Variants in RBFOX1 observed in about 807,000 individuals in gnomAD.
RBFOX1 encodes the protein RNA binding fox-1 homolog 1, also known as RNA binding protein fox-1 homolog 1.
RBFOX1 carries 8 observed loss-of-function variants against 57.7 expected under a neutral mutation model. The observed-to-expected ratio is 0.14, with a 90% CI of 0.08 to 0.25. The LOEUF (loss-of-function observed/expected upper bound fraction) is 0.25. Ranked by LOEUF, RBFOX1 falls within the 10% of genes least tolerant of loss-of-function variation. The pLI is 1.00. For synonymous variants in RBFOX1, 326 were observed against 222.4 expected (o/e 1.47, Z -4.15); for missense variants, 611 against 548.5 (o/e 1.11, Z -1.14).
At position 6,448,943 on chromosome 16, in the gene RBFOX1, GCATA is replaced by G. The variant is rs535484168; in HGVS notation, c.-64+131890_-64+131893del. 5.7e-3 allele frequency among the ~76,000 whole-genome samples: 862 copies of G among 152,224 alleles called. 5 individuals are homozygous for G. The highest frequency in any genetic ancestry group is 0.012 in the Admixed American group (177 of 15,284). On this transcript the variant is annotated intron_variant, in intron 2 of 15. Transcript: ENST00000550418. The stretch of plus-strand genomic sequence containing the variant: ...AAGATTTAATGAGAAGAGAAAAAAG[GCATA>G]CATTTTCGTAAACTAATTTCAGCAG...
chr16:6,189,489 G>T (rs950510114), intron 1 of RBFOX1, among the ~76,000 whole-genome samples: 1 of 152,206 alleles, frequency 6.6e-6, no homozygotes, highest in African/African-American at 2.4e-5. Context: ...CTTTCAGAAG[G>T]GTTAAATGCA....
chr16:7,171,672 CAAA>C (rs2080730033), intron 4 of RBFOX1, among the ~76,000 whole-genome samples: 1 of 152,180 alleles, frequency 6.6e-6, no homozygotes, highest in Non-Finnish European at 1.5e-5. Flanking sequence ...AGGGCCATTG[CAAA>C]TGGATTTAGT....
intron 3 of RBFOX1, among the ~76,000 whole-genome samples, chr16:5,617,285 C>T (rs114026586): frequency 0.017 from 2,642 of 152,332 alleles, 78 homozygotes; most frequent in African/African-American, 0.06. Flanking sequence ...TTTGAAGACT[C>T]AGGTTCAATG....
intron 1 of RBFOX1, among the ~76,000 whole-genome samples, chr16:5,416,588 T>C (rs1377836836): frequency 2.6e-5 from 4 of 152,326 alleles, no homozygotes; most frequent in East Asian, 1.9e-4. Context: ...AATTTTCTTA[T>C]GGCACTTTAA....
intron 10 of RBFOX1, chr16:7,615,062 G>C (rs901760162): frequency 6.6e-6 from 1 of 152,328 alleles, no homozygotes; most frequent in African/African-American, 2.4e-5. Context: ...GGCCGGGTGC[G>C]GTGGCTCACG....
rs180894864 is a variant in RBFOX1, at chr16:6,698,454, C to T, written c.-16+43804C>T. 7.2e-4 allele frequency among the ~76,000 whole-genome samples: 110 copies of T among 152,270 alleles called. 1 individual carries two copies. In the East Asian group the frequency reaches 0.015, roughly 21 times the overall value. On this transcript the variant is annotated intron_variant, in intron 3 of 15. Transcript: ENST00000550418. ...TGAAGTTCTCCTGTGGCCGCCATAA[C>T]GCAAATCAATCCTGTCATTATCTCT...
rs74004690 is a variant in RBFOX1 at position 5,901,838 on chromosome 16, A to C, written c.351+34503A>C. On this transcript the variant is annotated intron_variant, in intron 4 of 19. Coordinates refer to the RBFOX1 transcript ENST00000641259. ...TTTCCACCTAATGCTTTTGCTTATC[A>C]TTTCGTCTCTGCTGAAAATTCCTTC... Among the ~76,000 whole-genome samples, 835 of 152,136 alleles carry C rather than the reference A, an allele frequency of 5.5e-3. 7 individuals are homozygous for C. The highest frequency in any genetic ancestry group is 0.019 in the African/African-American group (769 of 41,500).
At chr16:7,203,447 C>T (rs985891562) in intron 4 of RBFOX1, among the ~76,000 whole-genome samples, 1 of 152,230 alleles carries the variant, frequency 6.6e-6, no homozygotes, top group Non-Finnish European at 1.5e-5. Flanking sequence ...AAAAAGAGTT[C>T]TGGAGGTTAT....
At chr16:7,246,512 C>G (rs556373320) in intron 4 of RBFOX1, among the ~76,000 whole-genome samples, 1 of 152,262 alleles carries the variant, frequency 6.6e-6, no homozygotes, top group South Asian at 2.1e-4. Context: ...TCCAGTCTCT[C>G]CCTTATAACT....
intron 3 of RBFOX1, among the ~76,000 whole-genome samples, chr16:6,695,754 C>G (rs940873273): frequency 6.6e-6 from 1 of 152,216 alleles, no homozygotes; most frequent in East Asian, 1.9e-4. Flanking sequence ...TGAATCCTCT[C>G]TGTACTTCTT....
intron 2 of RBFOX1, among the ~76,000 whole-genome samples, chr16:5,594,757 T>G (rs1193087738): frequency 6.6e-6 from 1 of 152,112 alleles, no homozygotes; most frequent in Non-Finnish European, 1.5e-5. Flanking sequence ...GTTCCTAGCT[T>G]GACTTTTCCC....
At chr16:7,359,432 A>G (rs2097277877) in intron 4 of RBFOX1, among the ~76,000 whole-genome samples, 1 of 152,210 alleles carries the variant, frequency 6.6e-6, no homozygotes, top group Non-Finnish European at 1.5e-5. Flanking sequence ...TACTAGGGAA[A>G]ATAATTTACC....
At chr16:7,423,864 A>G (rs1019112939) in intron 4 of RBFOX1, among the ~76,000 whole-genome samples, 13 of 152,160 alleles carry the variant, frequency 8.5e-5, no homozygotes, top group Non-Finnish European at 1.6e-4. Context: ...GGCGCCATGC[A>G]TTATGCACAT....
intron 4 of RBFOX1, among the ~76,000 whole-genome samples, chr16:7,067,446 C>CT (rs780323330): frequency 0.019 from 2,693 of 141,688 alleles, 54 homozygotes; most frequent in East Asian, 0.079. Context: ...GGAGAGAATC[C>CT]TTTTTTTTTT....
intron 5 of RBFOX1, among the ~76,000 whole-genome samples, chr16:7,537,305 G>C (rs1026989963): frequency 2.8e-4 from 43 of 152,328 alleles, no homozygotes; most frequent in African/African-American, 1.0e-3. Context: ...GTAATATACA[G>C]TATTCACACC....
intron 2 of RBFOX1, among the ~76,000 whole-genome samples, chr16:5,471,061 T>C (rs2069118117): frequency 6.6e-6 from 1 of 152,098 alleles, no homozygotes; most frequent in Non-Finnish European, 1.5e-5. Context: ...CTCAAACTCC[T>C]GACCTCAGGT....
At chr16:6,953,800 G>C (rs967128180) in intron 3 of RBFOX1, among the ~76,000 whole-genome samples, 2 of 152,068 alleles carry the variant, frequency 1.3e-5, no homozygotes, top group African/African-American at 4.8e-5. Context: ...TTTCAAACTG[G>C]TTTGCAACTG....
chr16:6,579,942 A>C (rs1273896651), intron 2 of RBFOX1, among the ~76,000 whole-genome samples: 1 of 151,784 alleles, frequency 6.6e-6, no homozygotes, highest in South Asian at 2.1e-4. Flanking sequence ...GGACCTGTTC[A>C]TCTTTTTTTT....
chr16:5,765,291 G>C (rs1025678444), intron 3 of RBFOX1, among the ~76,000 whole-genome samples: 2 of 152,124 alleles, frequency 1.3e-5, no homozygotes, highest in African/African-American at 4.8e-5. Context: ...CCCAGTCTAA[G>C]ACAACACTGT....
Sources: gnomAD v4.1 joint callset for allele counts (sites outside exome capture counted in the v4.1 genomes callset) on GRCh38, gnomAD v4.1.1 for gene constraint, MANE v1.5 for transcripts, NCBI Gene and HGNC (gene_info 2026-07-23, HGNC 2026-07-21) for gene names.